TBC1D23: variants seen among roughly 807,000 people sequenced by gnomAD.
TBC1D23 encodes TBC1 domain family member 23, also known as HCV non-structural protein 4A-transactivated protein 1.
Under a neutral mutation model 91.4 loss-of-function variants are expected in TBC1D23, and 55 were observed. The observed-to-expected ratio is 0.60, with a 90% CI of 0.48 to 0.75. TBC1D23 has a LOEUF of 0.75. Ranked by LOEUF, TBC1D23 falls within the 30% of genes least tolerant of loss-of-function variation. TBC1D23 has a pLI of 0.00. For missense variants in TBC1D23, 725 were observed against 836.1 expected (o/e 0.87, Z 1.64); for synonymous variants, 289 against 281.0 (o/e 1.03, Z -0.28).
chr3:100,308,472 G>T (rs537524652), intron 13 of TBC1D23, among the ~76,000 whole-genome samples: 1 of 148,894 alleles, frequency 6.7e-6, no homozygotes, highest in African/African-American at 2.5e-5. Flanking sequence ...ACGAGACTCC[G>T]TCTCAAAAAA....
chr3:100,323,497 G>C (rs1416211180), intron 18 of TBC1D23, 90 bp from the exon 19 acceptor site: 1 of 589,260 alleles, frequency 1.7e-6, no homozygotes, highest in Non-Finnish European at 2.4e-6. Flanking sequence ...TGACCTATCA[G>C]CTGAGTCTTG....
At chr3:100,318,873 C>T (rs947536722) in intron 16 of TBC1D23, among the ~76,000 whole-genome samples, 196 bp from the exon 17 acceptor site, 5 of 151,736 alleles carry the variant, frequency 3.3e-5, no homozygotes, top group African/African-American at 9.7e-5. Flanking sequence ...GGCTGGTCTC[C>T]AACTCCTGCC....
chr3:100,319,429 T>G (rs1362918326), intron 17 of TBC1D23, among the ~76,000 whole-genome samples: 6 of 140,268 alleles, frequency 4.3e-5, no homozygotes, highest in African/African-American at 1.5e-4. Context: ...CCCTTATGAT[T>G]CTTTTTTTTT....
chr3:100,323,764 C>A lies in TBC1D23; in HGVS notation c.*96C>A. On this transcript the variant is annotated 3_prime_UTR_variant, in exon 19 of 19. Coordinates refer to ENST00000394144, the MANE Select transcript of TBC1D23 (RefSeq NM_001199198.3). ...ATACTAACTGGAGACCTTTCATTTGCTCATGGGGCTGCTTAAATAGCAGGT... is the reference window on the plus strand; with the variant it reads ...ATACTAACTGGAGACCTTTCATTTGATCATGGGGCTGCTTAAATAGCAGGT... 2.2e-6 allele frequency: 1 copy of A among 447,300 alleles called. No homozygotes were observed. The highest frequency in any genetic ancestry group is 3.7e-6 in the Non-Finnish European group (1 of 273,082). 27.7% of individuals were successfully genotyped at this position (447,300 alleles called of 1,614,324 possible).
chr3:100,301,289 A>AT (rs1279736532), intron 10 of TBC1D23, among the ~76,000 whole-genome samples: 1 of 151,920 alleles, frequency 6.6e-6, no homozygotes, highest in African/African-American at 2.4e-5. Context: ...AAAAAAAAAA[A>AT]AATGGTGGAA....
chr3:100,291,442 T>G (rs1375059085), intron 5 of TBC1D23, among the ~76,000 whole-genome samples: 1 of 152,084 alleles, frequency 6.6e-6, no homozygotes, highest in East Asian at 1.9e-4. Context: ...ATTAGTCGGG[T>G]GTGGTGGCGT....
At chr3:100,308,171 C>T (rs1485832836) in intron 13 of TBC1D23, among the ~76,000 whole-genome samples, 1 of 152,100 alleles carries the variant, frequency 6.6e-6, no homozygotes, top group East Asian at 1.9e-4. Flanking sequence ...TTGTTAATGA[C>T]ATTTCTTCTA....
chr3:100,310,559 G>A lies in TBC1D23; in HGVS notation c.1553+17G>A. The A allele has an allele frequency of 6.3e-7, 1 of 1,593,156 alleles. No homozygotes were observed. The highest frequency in any genetic ancestry group is 1.1e-5 in the South Asian group (1 of 87,646). ...TGTGGATCGGTGAGTTGTTTATACAGTATGAGTTTATGATGAGTAATTAAA... is the reference window on the plus strand; with the variant it reads ...TGTGGATCGGTGAGTTGTTTATACAATATGAGTTTATGATGAGTAATTAAA... On this transcript the variant is annotated intron_variant, in intron 14 of 18. Transcript: ENST00000394144.
Position 100,313,177 on chromosome 3 carries a change from C to T in TBC1D23, c.1598+1300C>T, listed in dbSNP as rs146082820. On this transcript the variant is annotated intron_variant, in intron 15 of 18. Coordinates refer to ENST00000394144, the MANE Select transcript of TBC1D23 (RefSeq NM_001199198.3). ...AAGGAAATTGCTTGTTTTAAAATTA[C>T]AATCTATTTGTGAATCATCCTTTCC... is the stretch of plus-strand genomic sequence containing the variant. Among the ~76,000 whole-genome samples, 713 of 152,190 alleles carry T rather than the reference C, an allele frequency of 4.7e-3. 2 individuals carry two copies. Among genetic ancestry groups the T allele is most frequent in the South Asian group, 6.4e-3 (31 of 4,832 alleles).
At chr3:100,272,314 C>G (rs535072208) in intron 1 of TBC1D23, among the ~76,000 whole-genome samples, 1 of 152,156 alleles carries the variant, frequency 6.6e-6, no homozygotes, top group Non-Finnish European at 1.5e-5. Context: ...TCTTAAGTAG[C>G]AGTTACTTAA....
At chr3:100,285,058 G>T (rs2067728306) in intron 4 of TBC1D23, among the ~76,000 whole-genome samples, 1 of 152,044 alleles carries the variant, frequency 6.6e-6, no homozygotes, top group African/African-American at 2.4e-5. Context: ...GTTTTGTATG[G>T]TTCTCTACCC....
At chr3:100,286,839 CAG>C (rs1179507844) in intron 4 of TBC1D23, among the ~76,000 whole-genome samples, 1 of 152,000 alleles carries the variant, frequency 6.6e-6, no homozygotes, top group South Asian at 2.1e-4. Context: ...TTCATTTAGA[CAG>C]AGTCTCGCTC....
chr3:100,290,825 C>A, intron 5 of TBC1D23, 124 bp downstream of exon 5: 6 of 751,810 alleles, frequency 8.0e-6, no homozygotes, highest in Non-Finnish European at 1.2e-5. Context: ...CTGTTTAAAC[C>A]AAAGGGGTAA....
intron 1 of TBC1D23, among the ~76,000 whole-genome samples, chr3:100,267,723 A>T (rs2148848776): frequency 6.6e-6 from 1 of 152,330 alleles, no homozygotes; most frequent in South Asian, 2.1e-4. Context: ...AGAGTTTCAG[A>T]TTTTGGAGCA....
intron 13 of TBC1D23, among the ~76,000 whole-genome samples, chr3:100,307,875 G>C (rs993425051): frequency 6.6e-6 from 1 of 152,070 alleles, no homozygotes; most frequent in African/African-American, 2.4e-5. Flanking sequence ...CATATGCCAT[G>C]ATTATTTTGT....
At chr3:100,292,887 C>T (rs1559807052) in intron 5 of TBC1D23, among the ~76,000 whole-genome samples, 1 of 152,172 alleles carries the variant, frequency 6.6e-6, no homozygotes, top group Non-Finnish European at 1.5e-5. Context: ...AGGTGTGAGC[C>T]AAGCCTAGTC....
chr3:100,289,507 C>T (rs1206947845), intron 4 of TBC1D23, among the ~76,000 whole-genome samples: 2 of 152,104 alleles, frequency 1.3e-5, no homozygotes, highest in Admixed American at 1.3e-4. Context: ...ACTATACTTC[C>T]TGAGGAGTGA....
In TBC1D23 at chr3:100,295,132, G is replaced by A; in HGVS notation, c.646G>A (p.Ala216Thr). ...TTACTGTTCCACTGAAGTCACTCAG[G>A]CAATATGGGATGGATATCTACAACA... ...ACYCSTEVTQAIWDGYLQQAD... is the reference protein window; with the variant it reads ...ACYCSTEVTQTIWDGYLQQAD... The change falls in exon 6 of 19, where the codon GCA becomes ACA. Residue 216 changes from alanine (A) to threonine (T), a missense_variant. Transcript: ENST00000394144. The A allele has an allele frequency of 6.2e-7, 1 of 1,605,702 alleles. No homozygotes were observed. Among genetic ancestry groups the A allele is most frequent in the Non-Finnish European group, 8.5e-7 (1 of 1,177,422 alleles).
chr3:100,320,831 G>GA lies in TBC1D23; in HGVS notation c.1881dup (p.Gly628ArgfsTer16). On this transcript the variant is annotated frameshift_variant, in exon 18 of 19. Transcript: ENST00000394144. LOFTEE classifies it high-confidence loss of function. ...ACTGTTTAAGGGAGATTGTTTCACG[G>GA]AAAGGATTGGCTTATATACAGTCTC... 1 of 1,610,636 alleles carries GA rather than the reference G, an allele frequency of 6.2e-7. No homozygotes were observed. Among genetic ancestry groups the GA allele is most frequent in the Non-Finnish European group, 8.5e-7 (1 of 1,178,868 alleles).
Sources: allele counts gnomAD v4.1 joint callset (sites outside exome capture counted in the v4.1 genomes callset), GRCh38; gene constraint gnomAD v4.1.1; transcripts MANE v1.5; gene names NCBI Gene and HGNC (gene_info 2026-07-23, HGNC 2026-07-21).